Variants in TMCO4 observed in about 807,000 individuals in gnomAD.
The protein encoded by TMCO4 is transmembrane and coiled-coil domain-containing protein 4.
Under a neutral mutation model 64.7 loss-of-function variants are expected in TMCO4, and 58 were observed. That is an observed-to-expected ratio of 0.90 (90% CI 0.73 to 1.12). TMCO4 has a LOEUF of 1.12. Among genes scored for constraint, TMCO4 ranks in the 50% most tolerant of loss-of-function variants. TMCO4 has a pLI of 0.00. For missense variants in TMCO4, 780 were observed against 825.9 expected (o/e 0.94, Z 0.68); for synonymous variants, 325 against 346.1 (o/e 0.94, Z 0.68).
At chr1:19,780,454 T>C in intron 4 of TMCO4, 126 bp downstream of exon 4, 1 of 1,199,062 alleles carries the variant, frequency 8.3e-7, no homozygotes, top group Middle Eastern at 2.1e-4. Flanking sequence ...GACCCCTGCG[T>C]TAGAGGCAAG....
rs979757717 is a variant in TMCO4, at chr1:19,715,611, G to A, written c.1265-14726C>T. Among the ~76,000 whole-genome samples the A allele has an allele frequency of 2.6e-5, 4 of 152,202 alleles. No individual in the cohort carries two copies. In the South Asian group the frequency reaches 6.2e-4, roughly 24 times the overall value. On this transcript the variant is annotated intron_variant, in intron 13 of 15. Coordinates refer to ENST00000294543, the MANE Select transcript of TMCO4 (RefSeq NM_181719.7). ...GACATGAAAATTTCTCAGGATATAG[G>A]AGCAGCTGCCAAGTTCTGCACGAGC...
rs770019512 is a variant in TMCO4 at position 19,747,267 on chromosome 1, GAA to G, written c.516-9_516-8del. ...TCGGGATGCCTCGGCCATTCTGAGG[GAA>G]AAGAGGCTGGTCTTTAGGGCCAGCT... On this transcript the variant is annotated splice_region_variant and splice_polypyrimidine_tract_variant and intron_variant, in intron 7 of 15. Transcript: ENST00000294543. 1.1e-5 allele frequency: 17 copies of G among 1,612,318 alleles called. No homozygotes were observed. The highest frequency in any genetic ancestry group is 1.4e-5 in the Non-Finnish European group (17 of 1,179,462).
intron 13 of TMCO4, among the ~76,000 whole-genome samples, chr1:19,706,850 A>C (rs183489419): frequency 6.6e-6 from 1 of 152,328 alleles, no homozygotes; most frequent in African/African-American, 2.4e-5. Context: ...ATCACTTTAC[A>C]TTCTCAGTCA....
At chr1:19,685,574 G>A (rs2095140451) in intron 15 of TMCO4, among the ~76,000 whole-genome samples, 3 of 152,152 alleles carry the variant, frequency 2.0e-5, no homozygotes, top group Admixed American at 2.0e-4. Flanking sequence ...CAGCAAATAA[G>A]CTTCTTGGAT....
intron 13 of TMCO4, among the ~76,000 whole-genome samples, chr1:19,715,459 G>A (rs2095351238): frequency 6.6e-6 from 1 of 152,188 alleles, no homozygotes; most frequent in South Asian, 2.1e-4. Flanking sequence ...AAGGTTCTGT[G>A]AGATGATGTC....
At chr1:19,711,031 G>A (rs78737953) in intron 13 of TMCO4, among the ~76,000 whole-genome samples, 8,023 of 152,234 alleles carry the variant, frequency 0.053, 337 homozygotes, top group Admixed American at 0.11. Flanking sequence ...TCCTGCTACG[G>A]GAACTCAATT....
At chr1:19,709,255 C>G (rs2095317825) in intron 13 of TMCO4, among the ~76,000 whole-genome samples, 1 of 150,336 alleles carries the variant, frequency 6.7e-6, no homozygotes, top group South Asian at 2.1e-4. Context: ...TTTGGTCATG[C>G]AAAGTGATAA....
At chr1:19,721,321 T>C (rs2095382226) in intron 13 of TMCO4, among the ~76,000 whole-genome samples, 1 of 152,142 alleles carries the variant, frequency 6.6e-6, no homozygotes, top group Non-Finnish European at 1.5e-5. Flanking sequence ...CCACAGAAAC[T>C]TCAGCAGAGA....
At position 19,720,554 on chromosome 1, in the gene TMCO4, T is replaced by C. The variant is rs139959429; in HGVS notation, c.1264+16818A>G. On this transcript the variant is annotated intron_variant, in intron 13 of 15. Coordinates refer to ENST00000294543, the MANE Select transcript of TMCO4 (RefSeq NM_181719.7). ...TTTCTCTGGGTCCTAATGTTTTATA[T>C]TTGCCCATAAGTTGTTGCTTTAGTG... Among the ~76,000 whole-genome samples, 210 of 152,322 alleles carry C rather than the reference T, an allele frequency of 1.4e-3. 1 individual carries two copies. The highest frequency in any genetic ancestry group is 4.8e-3 in the African/African-American group (198 of 41,568).
intron 2 of TMCO4, among the ~76,000 whole-genome samples, chr1:19,795,339 G>C (rs1191359293): frequency 6.6e-6 from 1 of 152,094 alleles, no homozygotes; most frequent in African/African-American, 2.4e-5. Context: ...GGGCGTGGTG[G>C]CGAGCACCTG....
intron 8 of TMCO4, 23 bp downstream of exon 8, chr1:19,747,140 C>CTGGACT: frequency 6.2e-7 from 1 of 1,610,824 alleles, no homozygotes; most frequent in Non-Finnish European, 8.5e-7. Flanking sequence ...CAGACGTGTG[C>CTGGACT]CACCATCTCT....
intron 6 of TMCO4, among the ~76,000 whole-genome samples, chr1:19,769,623 G>A (rs577504669): frequency 5.9e-5 from 9 of 152,278 alleles, no homozygotes; most frequent in African/African-American, 2.2e-4. Flanking sequence ...AAACATCAGA[G>A]GTCACTGCAT....
chr1:19,703,762 G>C (rs796905477), intron 13 of TMCO4, among the ~76,000 whole-genome samples: 19 of 152,076 alleles, frequency 1.2e-4, no homozygotes, highest in African/African-American at 4.6e-4. Context: ...TGGCCAGGCT[G>C]GTCTCAAACT....
At chr1:19,742,251 A>G (rs543261274) in intron 10 of TMCO4, among the ~76,000 whole-genome samples, 1 of 152,200 alleles carries the variant, frequency 6.6e-6, no homozygotes, top group African/African-American at 2.4e-5. Context: ...GTCTGCAATT[A>G]TTCGCTATTT....
chr1:19,716,431 T>C (rs936093026), intron 13 of TMCO4, among the ~76,000 whole-genome samples: 5 of 149,014 alleles, frequency 3.4e-5, no homozygotes, highest in African/African-American at 5.0e-5. Flanking sequence ...GGGGTTTCAC[T>C]ATGTCAGCCA....
Position 19,770,552 on chromosome 1 carries a change from T to TTTC in TMCO4, c.371_372insGAA (p.Ser124_Leu125insLys), listed in dbSNP as rs763356132. 9 of 1,613,620 alleles carry TTTC rather than the reference T, an allele frequency of 5.6e-6. No homozygotes were observed. The East Asian group carries it at 2.0e-4, about 36-fold the overall frequency. ...AGAAAATCAACTTACCATCCTTGAGTGAGAAGCTCAGAAGGTCCTGAGGGA... is the reference window on the plus strand; with the variant it reads ...AGAAAATCAACTTACCATCCTTGAGTTTCGAGAAGCTCAGAAGGTCCTGAGGGA... On this transcript the variant is annotated inframe_insertion, in exon 6 of 16. Transcript: ENST00000294543.
chr1:19,773,920 G>T (rs530489844), intron 4 of TMCO4, among the ~76,000 whole-genome samples: 3 of 152,268 alleles, frequency 2.0e-5, no homozygotes, highest in African/African-American at 7.2e-5. Flanking sequence ...GGGAGTCCTG[G>T]TTCCCCTGGA....
intron 3 of TMCO4, 124 bp from the exon 4 acceptor site, chr1:19,780,890 T>C: frequency 1.3e-6 from 1 of 786,812 alleles, no homozygotes; most frequent in East Asian, 2.7e-5. Flanking sequence ...GAAGAACTTC[T>C]TTTCATCACC....
intron 15 of TMCO4, among the ~76,000 whole-genome samples, chr1:19,690,933 C>T (rs897805824): frequency 1.3e-4 from 19 of 150,024 alleles, no homozygotes; most frequent in Admixed American, 1.3e-3. Context: ...CAGTGGTACC[C>T]TCTCGGCTCA....
Sources: allele counts gnomAD v4.1 joint callset (sites outside exome capture counted in the v4.1 genomes callset), GRCh38; gene constraint gnomAD v4.1.1; transcripts MANE v1.5; gene names NCBI Gene and HGNC (gene_info 2026-07-23, HGNC 2026-07-21).